The following COL24A1 variants were observed in gnomAD, a reference collection of about 807,000 sequenced individuals.
The protein encoded by COL24A1 is collagen alpha-1(XXIV) chain.
In COL24A1, 224 loss-of-function variants were observed where a neutral mutation model predicts 253.9. The observed-to-expected ratio is 0.88, with a 90% CI of 0.79 to 0.99. The LOEUF (loss-of-function observed/expected upper bound fraction) is 0.99. Among genes scored for constraint, COL24A1 ranks in the 50% least tolerant of loss-of-function variants. The pLI is 0.00. For synonymous variants in COL24A1, 685 were observed against 673.7 expected (o/e 1.02, Z -0.26); for missense variants, 2,131 against 2,068.5 (o/e 1.03, Z -0.59).
chr1:85,893,014 C>T (rs140717294), intron 31 of COL24A1, among the ~76,000 whole-genome samples: 2 of 152,112 alleles, frequency 1.3e-5, no homozygotes, highest in African/African-American at 4.8e-5. Context: ...AATTACGTAT[C>T]AATAATTACA....
At chr1:85,758,522 G>T (rs956468040) in intron 55 of COL24A1, among the ~76,000 whole-genome samples, 1 of 152,036 alleles carries the variant, frequency 6.6e-6, no homozygotes, top group East Asian at 1.9e-4. Flanking sequence ...CATACACACT[G>T]AGGTCTGGTC....
chr1:86,125,482 G>A lies in COL24A1; in HGVS notation c.854C>T (p.Thr285Ile), dbSNP rs1396091286. 1.2e-5 allele frequency: 19 copies of A among 1,613,670 alleles called. No homozygotes were observed. Among genetic ancestry groups the A allele is most frequent in the Non-Finnish European group, 1.4e-5 (16 of 1,179,786 alleles). Residue 285 changes from threonine (T) to isoleucine (I), a missense_variant, in exon 3 of 60, where the codon ACT becomes ATT. Transcript: ENST00000370571. ...GATATTTGGAATGCTTTTGCCTTCA[G>A]TAAATGTATCCTCTGACAGTACTTT... ...AEKVLSEDTF[T>I]EGKSIPNIIK...
intron 57 of COL24A1, among the ~76,000 whole-genome samples, chr1:85,743,900 TTGTG>T (rs1276415915): frequency 6.6e-6 from 1 of 151,958 alleles, no homozygotes; most frequent in African/African-American, 2.4e-5. Flanking sequence ...ATGTGCGTGT[TTGTG>T]TGTGTGTGAG....
At chr1:86,045,913 A>G in intron 12 of COL24A1, 1 of 412,526 alleles carries the variant, frequency 2.4e-6, no homozygotes. Context: ...AGAAATATCT[A>G]GGCAGTAAGG....
chr1:85,756,566 C>A (rs1666281870), intron 55 of COL24A1, among the ~76,000 whole-genome samples: 1 of 152,010 alleles, frequency 6.6e-6, no homozygotes, highest in Admixed American at 6.6e-5. Flanking sequence ...CAGAAAATAA[C>A]AAGTGTTGGT....
At chr1:86,069,297 A>G (rs1484734540) in intron 7 of COL24A1, among the ~76,000 whole-genome samples, 1 of 152,200 alleles carries the variant, frequency 6.6e-6, no homozygotes, top group Non-Finnish European at 1.5e-5. Flanking sequence ...TTGGCCTTTA[A>G]GTAAACATTG....
chr1:86,156,082 G>A (rs1653566023), intron 1 of COL24A1: 1 of 369,796 alleles, frequency 2.7e-6, no homozygotes, highest in Non-Finnish European at 4.8e-6. Flanking sequence ...CGGGACTCGC[G>A]CCAGCGAGCT....
At chr1:85,960,752 A>T (rs1690954073) in intron 24 of COL24A1, 1 of 154,622 alleles carries the variant, frequency 6.5e-6, no homozygotes, top group Admixed American at 6.6e-5. Flanking sequence ...GTGTGGTGGC[A>T]CACACCTGTA....
intron 19 of COL24A1, among the ~76,000 whole-genome samples, chr1:86,005,239 G>C (rs1252844143): frequency 1.3e-5 from 2 of 151,756 alleles, no homozygotes; most frequent in African/African-American, 4.8e-5. Context: ...AATAAGGAAG[G>C]GCAAATCACT....
intron 47 of COL24A1, among the ~76,000 whole-genome samples, chr1:85,793,910 C>T (rs1670558713): frequency 6.6e-6 from 1 of 151,152 alleles, no homozygotes; most frequent in Non-Finnish European, 1.5e-5. Flanking sequence ...GAATAGCACC[C>T]TCCCTAATAA....
At chr1:85,779,976 A>AT in intron 52 of COL24A1, among the ~76,000 whole-genome samples, 1 of 152,180 alleles carries the variant, frequency 6.6e-6, no homozygotes. Context: ...TAATTAAGTA[A>AT]TTTTAAAATT....
intron 12 of COL24A1, among the ~76,000 whole-genome samples, chr1:86,043,234 A>G (rs1214903420): frequency 2.6e-5 from 4 of 152,178 alleles, no homozygotes; most frequent in Non-Finnish European, 4.4e-5. Flanking sequence ...CTCCATGCTC[A>G]TAAGACTGAC....
chr1:85,737,276 G>T (rs1026547749), intron 58 of COL24A1, 120 bp downstream of exon 58: 2 of 591,854 alleles, frequency 3.4e-6, no homozygotes, highest in African/African-American at 1.9e-5. Context: ...ACACAATAGA[G>T]AATAATCTTT....
chr1:85,834,348 GAGAC>G (rs1222516399), intron 43 of COL24A1, among the ~76,000 whole-genome samples: 1 of 152,004 alleles, frequency 6.6e-6, no homozygotes, highest in African/African-American at 2.4e-5. Flanking sequence ...GAAAGAAAGA[GAGAC>G]AGAGGATTCA....
chr1:85,850,530 A>T (rs765698774), intron 37 of COL24A1, among the ~76,000 whole-genome samples: 20 of 152,168 alleles, frequency 1.3e-4, no homozygotes, highest in Non-Finnish European at 2.8e-4. Context: ...AGCTGCATCC[A>T]GAGGTAGAAA....
At position 86,059,871 on chromosome 1, in the gene COL24A1, C is replaced by A. The variant is rs540551079; in HGVS notation, c.1753-697G>T. Among the ~76,000 whole-genome samples, 6 of 152,162 alleles carry A rather than the reference C, an allele frequency of 3.9e-5. No homozygotes were observed. The South Asian group carries it at 1.2e-3, about 32-fold the overall frequency. ...CTTATAAAGAGGCCATGTGAGAATACAATAAAAAGTCAGCAGTCTGTAATC... is the reference window on the plus strand; with the variant it reads ...CTTATAAAGAGGCCATGTGAGAATAAAATAAAAAGTCAGCAGTCTGTAATC... On this transcript the variant is annotated intron_variant, in intron 8 of 59. Transcript: ENST00000370571.
chr1:85,982,591 T>C (rs1360207930), intron 20 of COL24A1, among the ~76,000 whole-genome samples: 1 of 151,720 alleles, frequency 6.6e-6, no homozygotes, highest in African/African-American at 2.4e-5. Flanking sequence ...ATCCAACCAA[T>C]CTGACTAAAA....
At chr1:85,739,808 C>G (rs1470303001) in intron 57 of COL24A1, among the ~76,000 whole-genome samples, 2 of 152,138 alleles carry the variant, frequency 1.3e-5, no homozygotes, top group African/African-American at 4.8e-5. Flanking sequence ...TGTACCCTCC[C>G]CCTACCCTCG....
chr1:86,020,926 A>G (rs940749436), intron 18 of COL24A1, among the ~76,000 whole-genome samples: 2 of 152,186 alleles, frequency 1.3e-5, no homozygotes, highest in African/African-American at 4.8e-5. Flanking sequence ...TTAAGCCCTT[A>G]TGGCAATAAG....
Sources: allele counts gnomAD v4.1 joint callset (sites outside exome capture counted in the v4.1 genomes callset), GRCh38; gene constraint gnomAD v4.1.1; transcripts MANE v1.5; gene names NCBI Gene and HGNC (gene_info 2026-07-23, HGNC 2026-07-21).